The following ACLY variants were observed in gnomAD, a reference collection of about 807,000 sequenced individuals.
The protein encoded by ACLY is ATP citrate lyase.
ACLY carries 41 observed loss-of-function variants against 133.0 expected under a neutral mutation model. That is an observed-to-expected ratio of 0.31 (90% CI 0.24 to 0.40). The LOEUF (loss-of-function observed/expected upper bound fraction) is 0.40. Among genes scored for constraint, ACLY ranks in the 10% least tolerant of loss-of-function variants. The probability of loss-of-function intolerance (pLI) is 1.00; values close to 1 mark genes in which losing one functional copy is unlikely to be tolerated. For missense variants in ACLY, 1,046 were observed against 1,453.8 expected, an observed-to-expected ratio of 0.72 and a Z score of 4.56; for synonymous variants, 495 against 549.3, an observed-to-expected ratio of 0.90 and a Z score of 1.38.
intron 22 of ACLY, among the ~76,000 whole-genome samples, chr17:41,874,310 C>T (rs1057392775): frequency 6.6e-6 from 1 of 152,184 alleles, no homozygotes; most frequent in Non-Finnish European, 1.5e-5. Context: ...CTCTGTTGCC[C>T]AGGCTGGAGT....
intron 20 of ACLY, 35 bp downstream of exon 20, chr17:41,883,075 CTTGCAATCCCCA>C: frequency 6.6e-7 from 1 of 1,511,732 alleles, no homozygotes; most frequent in Non-Finnish European, 9.1e-7. Context: ...AATGCCCCCT[CTTGCAATCCCCA>C]CTCCCAGCCC....
At chr17:41,909,246 G>A (rs1555633205) in intron 5 of ACLY, among the ~76,000 whole-genome samples, 178 bp from the exon 6 acceptor site, 1 of 152,140 alleles carries the variant, frequency 6.6e-6, no homozygotes. Context: ...TTCAGCCACT[G>A]AGGCGGAAAG....
chr17:41,878,198 TGG>T lies in ACLY; in HGVS notation c.2394-4_2394-3del. Reference sequence around the variant, plus strand: ...GCCACGAGATCTTCGTATACAGACCTGGGAGGCAGGAAAAAAAAGACATCCAT... The same window carrying T: ...GCCACGAGATCTTCGTATACAGACCTGAGGCAGGAAAAAAAAGACATCCAT... On this transcript the variant is annotated splice_polypyrimidine_tract_variant and splice_region_variant and intron_variant, in intron 21 of 28. Coordinates refer to ENST00000352035, the MANE Select transcript of ACLY (RefSeq NM_001096.3). The T allele has an allele frequency of 6.4e-7, 1 of 1,561,506 alleles. No individual in the cohort carries two copies. Among genetic ancestry groups the T allele is most frequent in the Admixed American group, 2.0e-5 (1 of 49,686 alleles).
upstream of ACLY, among the ~76,000 whole-genome samples, chr17:41,921,329 C>T (rs2050179412): frequency 6.6e-6 from 1 of 150,914 alleles, no homozygotes; most frequent in African/African-American, 2.4e-5. Flanking sequence ...AAAAAATAAA[C>T]AAAAATTAGC....
Position 41,871,740 on chromosome 17 carries a change from C to A in ACLY, c.2886G>T (p.Lys962Asn). The change falls in exon 25 of 29, where the codon AAG (lysine) becomes AAT (asparagine). Residue 962 changes from lysine to asparagine, a missense_variant. Lys to Asn is a moderately conservative substitution (Grantham distance 94). Transcript: ENST00000352035. ...SGIIPMEFVNKMKKEGKLIMG... is the reference protein window; with the variant it reads ...SGIIPMEFVNNMKKEGKLIMG... ...TGATCAGCTTCCCTTCCTTCTTCAT[C>A]TTGTTCACAAACTCCATGGGGATAA... 1 of 1,614,160 alleles carries A rather than the reference C, an allele frequency of 6.2e-7. No homozygotes were observed. Among genetic ancestry groups the A allele is most frequent in the Non-Finnish European group, 8.5e-7 (1 of 1,180,030 alleles).
At chr17:41,922,365 C>G (rs1339559243), upstream of ACLY, among the ~76,000 whole-genome samples, 1 of 108,682 alleles carries the variant, frequency 9.2e-6, no homozygotes, top group Non-Finnish European at 1.7e-5. Context: ...GGTGACAGAG[C>G]GAGACAAAAA....
chr17:41,872,097 T>C lies in ACLY; in HGVS notation c.2728A>G (p.Thr910Ala), dbSNP rs782205140. 15 of 1,613,748 alleles carry C rather than the reference T, an allele frequency of 9.3e-6. No individual in the cohort carries two copies. The highest frequency in any genetic ancestry group is 1.3e-5 in the Non-Finnish European group (15 of 1,179,972). The change falls in exon 24 of 29, where the codon ACC (threonine) becomes GCC (alanine). Residue 910 changes from threonine to alanine, a missense_variant. This residue lies in a region of ACLY where 205 missense variants were observed against 373.3 expected (regional missense o/e 0.55). Transcript: ENST00000352035. ...HGPAVSGAHN[T>A]IICARAGKDL... is the part of the protein sequence containing the mutation. ...TTCCCAGCTCGCGCACAAATGATGGTGTTGTGGGCTCCAGAGACGGCTGGC... is the reference window on the plus strand; with the variant it reads ...TTCCCAGCTCGCGCACAAATGATGGCGTTGTGGGCTCCAGAGACGGCTGGC...
At chr17:41,914,293 T>C (rs1363025014) in intron 1 of ACLY, among the ~76,000 whole-genome samples, 1 of 151,996 alleles carries the variant, frequency 6.6e-6, no homozygotes, top group African/African-American at 2.4e-5. Flanking sequence ...TGGTCCCATC[T>C]GAGGTGGGCA....
upstream of ACLY, among the ~76,000 whole-genome samples, chr17:41,922,344 A>G (rs1555635530): frequency 7.1e-6 from 1 of 139,992 alleles, no homozygotes; most frequent in Non-Finnish European, 1.5e-5. Context: ...ACGCCACTGC[A>G]CTCCAGGCTG....
rs1199788660 is a variant in ACLY at position 41,867,792 on chromosome 17, G to C, written c.*18C>G. 1 of 1,592,746 alleles carries C rather than the reference G, an allele frequency of 6.3e-7. No homozygotes were observed. The highest frequency in any genetic ancestry group is 1.4e-5 in the African/African-American group (1 of 73,922). On this transcript the variant is annotated 3_prime_UTR_variant, in exon 29 of 29. Coordinates refer to ENST00000352035, the MANE Select transcript of ACLY (RefSeq NM_001096.3). ...GAGATCTTGTCTTCAGTTTACTGCA[G>C]TAGGGTTCCTGGCTCTGTTACATGC...
chr17:41,902,180 C>G lies in ACLY; in HGVS notation c.1066-367G>C, dbSNP rs151196331. Among the ~76,000 whole-genome samples, 77 of 152,296 alleles carry G rather than the reference C, an allele frequency of 5.1e-4. 1 individual carries two copies. The East Asian group carries it at 0.014, about 28-fold the overall frequency. On this transcript the variant is annotated intron_variant, in intron 10 of 28. Transcript: ENST00000352035. Reference sequence around the variant, plus strand: ...GTTCTCAGAGGTACTAAGACATAGTCAATGTCCTACAAAAGCTTCTTAAGT... The same window carrying G: ...GTTCTCAGAGGTACTAAGACATAGTGAATGTCCTACAAAAGCTTCTTAAGT...
At position 41,910,406 on chromosome 17, in the gene ACLY, A is replaced by AT. The variant is rs1169942496; in HGVS notation, c.283-123dup. 3.8e-5 allele frequency: 30 copies of AT among 796,478 alleles called. No individual in the cohort carries two copies. In the Admixed American group the frequency reaches 7.4e-4, roughly 20 times the overall value. The allele number at this position is 796,478 out of a possible 1,614,324, so 49.3% of individuals were successfully genotyped here. A position where few individuals can be genotyped will look rare whatever the true frequency, so the allele number is the denominator to read the frequency against. ...CCACCACCACACCCAGCAAAGAGAG[A>AT]TTTTTCCAGAAAAAATGGGGTCACA... is the stretch of plus-strand genomic sequence containing the variant. On this transcript the variant is annotated intron_variant, in intron 3 of 28. Transcript: ENST00000352035.
chr17:41,908,841 C>T, intron 6 of ACLY, 148 bp downstream of exon 6: 1 of 672,462 alleles, frequency 1.5e-6, no homozygotes, highest in Non-Finnish European at 2.7e-6. Context: ...GGAACTGGCA[C>T]TAAACCTGCA....
At chr17:41,917,447 C>T (rs939133685) in intron 1 of ACLY, among the ~76,000 whole-genome samples, 7 of 151,910 alleles carry the variant, frequency 4.6e-5, no homozygotes, top group African/African-American at 1.5e-4. Context: ...GGTGAGTGAC[C>T]CAGGATTGAG....
In ACLY at chr17:41,901,795, G is replaced by A. The variant is rs918567524; in HGVS notation, c.1084C>T (p.Arg362Ter). The A allele has an allele frequency of 2.5e-6, 4 of 1,589,434 alleles. No individual in the cohort carries two copies. Among genetic ancestry groups the A allele is most frequent in the African/African-American group, 1.4e-5 (1 of 74,024 alleles). ...TCCTTCAGGGGGCCCTGGTAATCTC[G>A]AATTGCTCTCACGATGCCCTGGAAG... ...ATFKGIVRAI[R>*]DYQGPLKEHE... Residue 362 changes from arginine (R) to a stop codon, truncating the protein, a stop_gained, in exon 11 of 29, where the codon CGA (arginine) becomes TGA (stop). Coordinates refer to ENST00000352035, the MANE Select transcript of ACLY (RefSeq NM_001096.3). LOFTEE classifies it high-confidence loss of function.
At chr17:41,887,116 T>C (rs1555628313) in intron 17 of ACLY, among the ~76,000 whole-genome samples, 2 of 123,244 alleles carry the variant, frequency 1.6e-5, no homozygotes, top group Admixed American at 8.6e-5. Flanking sequence ...AGGGCAAGAC[T>C]CCGTCTCAAA....
chr17:41,869,965 T>C (rs3887424), intron 25 of ACLY, among the ~76,000 whole-genome samples: 4,510 of 152,250 alleles, frequency 0.03, 100 homozygotes, highest in Non-Finnish European at 0.049. Flanking sequence ...GCCAGCTCTG[T>C]GCCTACTCAA....
chr17:41,903,462 A>G (rs2049594418), intron 10 of ACLY, among the ~76,000 whole-genome samples: 1 of 152,130 alleles, frequency 6.6e-6, no homozygotes, highest in African/African-American at 2.4e-5. Context: ...AGAAAGATAT[A>G]AGACCAGGAT....
intron 11 of ACLY, 146 bp from the exon 12 acceptor site, chr17:41,898,931 A>T (rs1346333875): frequency 3.7e-6 from 3 of 810,390 alleles, no homozygotes; most frequent in Non-Finnish European, 5.6e-6. Flanking sequence ...ATCAGCTGTC[A>T]TAATTTCACC....
Sources: gnomAD v4.1 joint callset for allele counts (sites outside exome capture counted in the v4.1 genomes callset) on GRCh38, gnomAD v4.1.1 for gene constraint, gnomAD v4.1.1 regional missense constraint, MANE v1.5 for transcripts, NCBI Gene and HGNC (gene_info 2026-07-23, HGNC 2026-07-21) for gene names.